The following ITGAE variants were observed in gnomAD, a reference collection of about 807,000 sequenced individuals.
ITGAE encodes integrin alpha-E.
Under a neutral mutation model 136.5 loss-of-function variants are expected in ITGAE, and 99 were observed. The ratio of observed to expected loss-of-function variants is 0.73; its 90% CI spans 0.62 to 0.86. The LOEUF is 0.86. Ranked by LOEUF, ITGAE falls within the 40% of genes least tolerant of loss-of-function variation. The probability of loss-of-function intolerance (pLI) is 0.00; values close to 1 mark genes in which losing one functional copy is unlikely to be tolerated. For missense variants in ITGAE, 1,447 were observed against 1,515.3 expected, an observed-to-expected ratio of 0.95 and a Z score of 0.75; for synonymous variants, 613 against 591.8, an observed-to-expected ratio of 1.04 and a Z score of -0.52.
In ITGAE at chr17:3,748,002, G is replaced by C; in HGVS notation, c.2075C>G (p.Ala692Gly). Residue 692 changes from alanine to glycine, a missense_variant, in exon 17 of 31, where the codon GCA (alanine) becomes GGA (glycine). Transcript: ENST00000263087. Reference sequence around the variant, plus strand: ...GACGCCGTTGAAGCCGATGGGCAGTGCGCTGGGGGTGAAGGCCATGGAGAC... The same window carrying C: ...GACGCCGTTGAAGCCGATGGGCAGTCCGCTGGGGGTGAAGGCCATGGAGAC... ...LKVSMAFTPS[A>G]LPIGFNGVVN... 6.2e-7 allele frequency: 1 copy of C among 1,613,430 alleles called. No individual in the cohort carries two copies. The highest frequency in any genetic ancestry group is 1.3e-5 in the African/African-American group (1 of 75,022).
intron 17 of ITGAE, among the ~76,000 whole-genome samples, chr17:3,746,187 A>G (rs2051709584): frequency 6.6e-6 from 1 of 152,164 alleles, no homozygotes; most frequent in South Asian, 2.1e-4. Context: ...TTCTTTAGGG[A>G]AGGAGGGCTC....
At chr17:3,800,839 G>A (rs367893628) in intron 1 of ITGAE, among the ~76,000 whole-genome samples, 212 of 152,290 alleles carry the variant, frequency 1.4e-3, no homozygotes, top group African/African-American at 4.9e-3. Flanking sequence ...GGCGGGGGGA[G>A]GCTGGCTGGA....
Position 3,737,072 on chromosome 17 carries a change from C to A in ITGAE, c.2523-2123G>T, listed in dbSNP as rs1005525764. Among the ~76,000 whole-genome samples, 6 of 152,150 alleles carry A rather than the reference C, an allele frequency of 3.9e-5. No homozygotes were observed. In the South Asian group the frequency reaches 1.0e-3, roughly 26 times the overall value. On this transcript the variant is annotated intron_variant, in intron 20 of 30. Coordinates refer to ENST00000263087, the MANE Select transcript of ITGAE (RefSeq NM_002208.5). Reference sequence around the variant, plus strand: ...ACTTTGGGAGGTGAGGCAGGTGGATCACTTGAGGCCAAGAGTTCAAGACCA... The same window carrying A: ...ACTTTGGGAGGTGAGGCAGGTGGATAACTTGAGGCCAAGAGTTCAAGACCA...
intron 22 of ITGAE, among the ~76,000 whole-genome samples, chr17:3,731,821 C>T (rs2051350125): frequency 6.6e-6 from 1 of 151,660 alleles, no homozygotes; most frequent in African/African-American, 2.4e-5. Context: ...GCCTGTCATC[C>T]CAGCACTTTG....
chr17:3,725,503 G>A, intron 26 of ITGAE: 1 of 1,614,154 alleles, frequency 6.2e-7, no homozygotes, highest in Non-Finnish European at 8.5e-7. Context: ...TTAGTCAATG[G>A]ATCCCATCAG....
intron 2 of ITGAE, among the ~76,000 whole-genome samples, chr17:3,768,006 A>G (rs1239956228): frequency 2.0e-5 from 3 of 152,296 alleles, no homozygotes; most frequent in Middle Eastern, 3.4e-3. Context: ...GAGCTTCTAG[A>G]AGGGACCCAG....
At chr17:3,748,367 C>T (rs1165645598) in intron 16 of ITGAE, among the ~76,000 whole-genome samples, 2 of 152,168 alleles carry the variant, frequency 1.3e-5, no homozygotes, top group African/African-American at 4.8e-5. Flanking sequence ...GGGAGGATCA[C>T]CTGAGGTCAG....
At chr17:3,758,851 C>T (rs1214089951) in intron 8 of ITGAE, among the ~76,000 whole-genome samples, 3 of 150,696 alleles carry the variant, frequency 2.0e-5, no homozygotes, top group African/African-American at 4.9e-5. Context: ...TGAGGCCGGG[C>T]GCGGTGGCTC....
chr17:3,724,447 C>G lies in ITGAE; in HGVS notation c.3085-703G>C, dbSNP rs138537888. 9.5e-5 allele frequency: 153 copies of G among 1,613,564 alleles called. No individual in the cohort carries two copies. The highest frequency in any genetic ancestry group is 1.2e-4 in the Non-Finnish European group (145 of 1,180,006). ...GGCATCAGTGCCTCCCTGTTCAGCT[C>G]TCTGGCCTCGCCCTGCCCCGGGTCC... On this transcript the variant is annotated intron_variant, in intron 26 of 30. Coordinates refer to ENST00000263087, the MANE Select transcript of ITGAE (RefSeq NM_002208.5).
intron 1 of ITGAE, among the ~76,000 whole-genome samples, chr17:3,792,224 C>T (rs1021563021): frequency 2.6e-5 from 4 of 152,052 alleles, no homozygotes; most frequent in Admixed American, 6.6e-5. Context: ...CGGGTTCAAG[C>T]GATTCTCCTG....
intron 1 of ITGAE, among the ~76,000 whole-genome samples, chr17:3,796,323 G>A (rs1597377531): frequency 2.0e-5 from 3 of 152,058 alleles, no homozygotes; most frequent in South Asian, 4.1e-4. Flanking sequence ...TTTGAGCTGC[G>A]CCTCCATCAG....
chr17:3,755,212 G>GC lies in ITGAE; in HGVS notation c.1288dup (p.Ala430GlyfsTer62). ...GCGGCTGCGTGTGTCGTAGAGCAAC[G>GC]CCCCTCCGGACCAGTCAAAGGCCCC... On this transcript the variant is annotated frameshift_variant, in exon 12 of 31. Transcript: ENST00000263087. LOFTEE classifies it high-confidence loss of function. The GC allele has an allele frequency of 6.3e-7, 1 of 1,581,520 alleles. No individual in the cohort carries two copies. The highest frequency in any genetic ancestry group is 8.5e-7 in the Non-Finnish European group (1 of 1,170,346).
intron 29 of ITGAE, chr17:3,717,420 T>A (rs918522528): frequency 6.6e-6 from 1 of 152,358 alleles, no homozygotes; most frequent in Admixed American, 6.5e-5. Flanking sequence ...TTAGAAGTCA[T>A]CCGCAGGTTT....
chr17:3,757,560 A>G, intron 9 of ITGAE, 146 bp downstream of exon 9: 2 of 908,158 alleles, frequency 2.2e-6, no homozygotes, highest in Non-Finnish European at 3.4e-6. Context: ...CTCTGGGATG[A>G]CAGAGCATGG....
At chr17:3,770,287 ATT>A (rs1202150020) in intron 2 of ITGAE, among the ~76,000 whole-genome samples, 1 of 142,512 alleles carries the variant, frequency 7.0e-6, no homozygotes. Flanking sequence ...GCCCAGCTAA[ATT>A]TTTTTTTTTT....
intron 21 of ITGAE, among the ~76,000 whole-genome samples, chr17:3,732,910 G>A (rs2051377375): frequency 6.6e-6 from 1 of 152,222 alleles, no homozygotes; most frequent in African/African-American, 2.4e-5. Flanking sequence ...GATGACTGCA[G>A]TGAGTTTTCT....
intron 1 of ITGAE, among the ~76,000 whole-genome samples, chr17:3,782,106 C>T (rs1327553271): frequency 6.6e-6 from 1 of 151,536 alleles, no homozygotes; most frequent in African/African-American, 2.4e-5. Context: ...GAAACACTGT[C>T]TCTACTAAAA....
At chr17:3,755,794 T>C in intron 11 of ITGAE, 36 bp downstream of exon 11, 1 of 1,556,768 alleles carries the variant, frequency 6.4e-7, no homozygotes, top group Non-Finnish European at 8.7e-7. Flanking sequence ...CCCTCACCAA[T>C]GGGCAAGCCT....
chr17:3,761,719 T>C (rs1326873010), intron 4 of ITGAE, among the ~76,000 whole-genome samples, 196 bp downstream of exon 4: 1 of 152,162 alleles, frequency 6.6e-6, no homozygotes, highest in Non-Finnish European at 1.5e-5. Flanking sequence ...GTGTGCTGGG[T>C]CACAGGGAAT....
Sources: allele counts gnomAD v4.1 joint callset (sites outside exome capture counted in the v4.1 genomes callset), GRCh38; gene constraint gnomAD v4.1.1; transcripts MANE v1.5; gene names NCBI Gene and HGNC (gene_info 2026-07-23, HGNC 2026-07-21).